Variants in GPR39 observed in about 807,000 individuals in gnomAD.
GPR39 encodes the protein zinc sensing receptor.
GPR39 carries 23 observed loss-of-function variants against 18.4 expected under a neutral mutation model. That is an observed-to-expected ratio of 1.25 (90% confidence interval 0.90 to 1.77). The LOEUF (loss-of-function observed/expected upper bound fraction) is 1.77. Among genes scored for constraint, GPR39 ranks in the 40% most tolerant of loss-of-function variants. The pLI, the probability that GPR39 is intolerant of heterozygous loss-of-function variation, is 0.00. For missense variants in GPR39, 647 were observed against 602.4 expected (o/e 1.07, Z -0.78); for synonymous variants, 280 against 257.9 (o/e 1.09, Z -0.82).
At chr2:132,519,751 A>C (rs1679390965) in intron 1 of GPR39, among the ~76,000 whole-genome samples, 1 of 152,196 alleles carries the variant, frequency 6.6e-6, no homozygotes, top group Non-Finnish European at 1.5e-5. Flanking sequence ...AGGCCCTCTG[A>C]TGACACTCTG....
intron 1 of GPR39, among the ~76,000 whole-genome samples, chr2:132,473,654 C>T (rs1438062497): frequency 6.6e-6 from 1 of 152,250 alleles, no homozygotes; most frequent in East Asian, 1.9e-4. Context: ...TCTAACTTAT[C>T]AGTTAGCATT....
chr2:132,455,588 G>A (rs534737681), intron 1 of GPR39, among the ~76,000 whole-genome samples: 14 of 152,164 alleles, frequency 9.2e-5, no homozygotes, highest in Middle Eastern at 3.4e-3. Flanking sequence ...GTCAATTTTC[G>A]ATCTTTCCTG....
At chr2:132,561,507 G>C (rs1463189678) in intron 1 of GPR39, among the ~76,000 whole-genome samples, 1 of 151,610 alleles carries the variant, frequency 6.6e-6, no homozygotes, top group African/African-American at 2.4e-5. Context: ...TTCAACTTTG[G>C]CCACACATTA....
chr2:132,579,919 T>C (rs1486962818), intron 1 of GPR39, among the ~76,000 whole-genome samples: 1 of 152,050 alleles, frequency 6.6e-6, no homozygotes, highest in Non-Finnish European at 1.5e-5. Flanking sequence ...ACCTAAGGGT[T>C]ATGTGATATT....
intron 1 of GPR39, among the ~76,000 whole-genome samples, chr2:132,587,193 CT>C: frequency 6.6e-6 from 1 of 152,324 alleles, no homozygotes; most frequent in South Asian, 2.1e-4. Flanking sequence ...AGCATTGTAT[CT>C]GCTGGAAGTG....
rs373947746 is a variant in GPR39, at chr2:132,464,045, C to T, written c.856+46147C>T. ...TTCTGAAACTCACACAGTGTCACTT[C>T]TGCCACATTCTATTGGTCACAGGAA... On this transcript the variant is annotated intron_variant, in intron 1 of 1. Transcript: ENST00000329321. Among the ~76,000 whole-genome samples the T allele has an allele frequency of 3.9e-5, 6 of 152,224 alleles. No homozygotes were observed. The East Asian group carries it at 7.7e-4, about 20-fold the overall frequency.
intron 1 of GPR39, among the ~76,000 whole-genome samples, chr2:132,624,204 C>T (rs1573704620): frequency 6.6e-6 from 1 of 152,176 alleles, no homozygotes; most frequent in Admixed American, 6.5e-5. Context: ...GCCCTCTTCT[C>T]CCTGTGTCTT....
At chr2:132,643,702 T>A (rs2104881989) in intron 1 of GPR39, among the ~76,000 whole-genome samples, 1 of 152,306 alleles carries the variant, frequency 6.6e-6, no homozygotes, top group African/African-American at 2.4e-5. Context: ...TCTTTTTTTG[T>A]AGAGATGGGG....
chr2:132,527,454 C>G (rs1036962612), intron 1 of GPR39, among the ~76,000 whole-genome samples: 1 of 152,006 alleles, frequency 6.6e-6, no homozygotes, highest in Admixed American at 6.6e-5. Flanking sequence ...GGGTATATAC[C>G]CAGTAATGGC....
At chr2:132,501,816 A>G (rs1679042298) in intron 1 of GPR39, among the ~76,000 whole-genome samples, 1 of 152,110 alleles carries the variant, frequency 6.6e-6, no homozygotes, top group Non-Finnish European at 1.5e-5. Flanking sequence ...TAGTCCTTTT[A>G]CCACTATATA....
chr2:132,501,054 G>GTTTTTTTTTTTTTTTTTTTTTTT (rs55720929), intron 1 of GPR39, among the ~76,000 whole-genome samples: 7 of 90,326 alleles, frequency 7.7e-5, no homozygotes, highest in Admixed American at 1.2e-4. Context: ...TATCTTTTGT[G>GTTTTTTTTTTTTTTTTTTTTTTT]TTTTTTTTTT....
At chr2:132,492,073 AT>A (rs1330097252) in intron 1 of GPR39, among the ~76,000 whole-genome samples, 1 of 150,516 alleles carries the variant, frequency 6.6e-6, no homozygotes, top group African/African-American at 2.4e-5. Flanking sequence ...TATACACCAC[AT>A]ATATATACAC....
intron 1 of GPR39, among the ~76,000 whole-genome samples, chr2:132,458,451 G>A (rs199682481): frequency 1.3e-4 from 10 of 76,408 alleles, no homozygotes; most frequent in South Asian, 1.1e-3. Context: ...TCTCTCTCTC[G>A]GTGTGTTTGT....
At chr2:132,546,674 G>A (rs2104790691) in intron 1 of GPR39, among the ~76,000 whole-genome samples, 1 of 151,476 alleles carries the variant, frequency 6.6e-6, no homozygotes, top group East Asian at 1.9e-4. Context: ...CTAGGAGTCT[G>A]CCTATAAAAT....
chr2:132,567,858 T>A (rs1405398260), intron 1 of GPR39, among the ~76,000 whole-genome samples: 1 of 151,962 alleles, frequency 6.6e-6, no homozygotes, highest in Non-Finnish European at 1.5e-5. Context: ...TCACGAGATC[T>A]GATGGTTTTA....
intron 1 of GPR39, among the ~76,000 whole-genome samples, chr2:132,529,655 C>A (rs1240080252): frequency 1.3e-5 from 2 of 152,210 alleles, no homozygotes; most frequent in African/African-American, 2.4e-5. Context: ...TGAGACAAAA[C>A]TTCCAGAGGA....
chr2:132,554,541 A>C (rs1350640140), intron 1 of GPR39, among the ~76,000 whole-genome samples: 1 of 152,198 alleles, frequency 6.6e-6, no homozygotes, highest in East Asian at 1.9e-4. Flanking sequence ...GCCTTGAGAC[A>C]CAGGTAGGCT....
intron 1 of GPR39, among the ~76,000 whole-genome samples, chr2:132,497,637 C>A (rs1323791324): frequency 6.6e-6 from 1 of 152,188 alleles, no homozygotes; most frequent in Non-Finnish European, 1.5e-5. Context: ...TTATTTCCCA[C>A]TTTGGAACAA....
rs536139350 is a variant in GPR39, at chr2:132,510,465, T to C, written c.856+92567T>C. ...TATACTTTGGGGCTCTTGGAATCACTGGGATAAAGTGTTGAAGGACATACT... is the reference window on the plus strand; with the variant it reads ...TATACTTTGGGGCTCTTGGAATCACCGGGATAAAGTGTTGAAGGACATACT... On this transcript the variant is annotated intron_variant, in intron 1 of 1. Transcript: ENST00000329321. Among the ~76,000 whole-genome samples, 8 of 152,222 alleles carry C rather than the reference T, an allele frequency of 5.3e-5. No homozygotes were observed. The East Asian group carries it at 1.5e-3, about 29-fold the overall frequency.
Sources: allele counts gnomAD v4.1 joint callset (sites outside exome capture counted in the v4.1 genomes callset), GRCh38; gene constraint gnomAD v4.1.1; transcripts MANE v1.5; gene names NCBI Gene and HGNC (gene_info 2026-07-23, HGNC 2026-07-21).